The following TMEM45A variants were observed in gnomAD, a reference collection of about 807,000 sequenced individuals.
TMEM45A encodes transmembrane protein 45A, also known as DNA polymerase-transactivated protein 4.
Under a neutral mutation model 32.0 loss-of-function variants are expected in TMEM45A, and 25 were observed. That is an observed-to-expected ratio of 0.78 (90% CI 0.57 to 1.09). The LOEUF is 1.09. Ranked by LOEUF, TMEM45A falls within the 50% of genes least tolerant of loss-of-function variation. The pLI, the probability that TMEM45A is intolerant of heterozygous loss-of-function variation, is 0.00. For synonymous variants in TMEM45A, 122 were observed against 114.8 expected, an observed-to-expected ratio of 1.06 and a Z score of -0.40; for missense variants, 302 against 325.0, an observed-to-expected ratio of 0.93 and a Z score of 0.54.
chr3:100,507,523 A>G (rs1559634311), intron 1 of TMEM45A, among the ~76,000 whole-genome samples: 1 of 152,172 alleles, frequency 6.6e-6, no homozygotes, highest in Non-Finnish European at 1.5e-5. Flanking sequence ...GATCTTTTAA[A>G]GGAGGGGGTC....
intron 4 of TMEM45A, among the ~76,000 whole-genome samples, chr3:100,560,261 C>CTCTCTCT (rs774897689): frequency 7.0e-6 from 1 of 143,630 alleles, no homozygotes; most frequent in African/African-American, 2.6e-5. Context: ...CTCTCTCTCT[C>CTCTCTCT]TTTTTTTTTT....
At chr3:100,510,467 G>GTA in intron 1 of TMEM45A, among the ~76,000 whole-genome samples, 1 of 152,300 alleles carries the variant, frequency 6.6e-6, no homozygotes, top group Non-Finnish European at 1.5e-5. Context: ...AAACCCATCT[G>GTA]TACATCACCA....
At chr3:100,518,366 C>T (rs1056346488) in intron 1 of TMEM45A, among the ~76,000 whole-genome samples, 1 of 152,152 alleles carries the variant, frequency 6.6e-6, no homozygotes, top group African/African-American at 2.4e-5. Flanking sequence ...TGTTTAATCT[C>T]CTTTAACAGA....
chr3:100,554,474 C>T (rs912515139), intron 1 of TMEM45A, among the ~76,000 whole-genome samples: 18 of 152,148 alleles, frequency 1.2e-4, no homozygotes, highest in African/African-American at 4.3e-4. Flanking sequence ...GTTGTGTAGA[C>T]TGCTAACTGA....
intron 1 of TMEM45A, among the ~76,000 whole-genome samples, chr3:100,535,443 C>T (rs1329483903): frequency 2.0e-5 from 3 of 152,134 alleles, no homozygotes; most frequent in Non-Finnish European, 4.4e-5. Context: ...GGCTTTTCCC[C>T]TCCACTCCAG....
chr3:100,551,263 T>C (rs934489963), intron 1 of TMEM45A, among the ~76,000 whole-genome samples: 2 of 152,134 alleles, frequency 1.3e-5, no homozygotes, highest in African/African-American at 2.4e-5. Context: ...TCCGCCTGTG[T>C]TGGCCTCCCA....
chr3:100,504,853 A>G (rs1018529804), intron 1 of TMEM45A, among the ~76,000 whole-genome samples: 8 of 152,238 alleles, frequency 5.3e-5, no homozygotes, highest in African/African-American at 1.7e-4. Context: ...CAAGTCTCAG[A>G]AAAGATTTGT....
At chr3:100,527,858 G>A (rs560383541) in intron 1 of TMEM45A, among the ~76,000 whole-genome samples, 1 of 152,286 alleles carries the variant, frequency 6.6e-6, no homozygotes, top group East Asian at 1.9e-4. Flanking sequence ...TTCAAATAGA[G>A]ATTTGAAAAT....
chr3:100,502,855 A>G (rs569561629), intron 1 of TMEM45A, among the ~76,000 whole-genome samples: 1 of 152,358 alleles, frequency 6.6e-6, no homozygotes, highest in African/African-American at 2.4e-5. Flanking sequence ...TCACAGCAAA[A>G]TCATGCCATG....
intron 1 of TMEM45A, among the ~76,000 whole-genome samples, chr3:100,541,524 C>CTTTT (rs61341173): frequency 9.0e-5 from 10 of 111,266 alleles, no homozygotes; most frequent in South Asian, 2.9e-4. Context: ...CTTTTCTTTC[C>CTTTT]TTTTTTTTTT....
intron 5 of TMEM45A, 46 bp from the exon 6 acceptor site, chr3:100,576,879 C>G: frequency 6.9e-7 from 1 of 1,447,308 alleles, no homozygotes; most frequent in Non-Finnish European, 9.7e-7. Flanking sequence ...CTCTGGGTTT[C>G]TATTTTAAAA....
At chr3:100,536,476 A>G (rs1220195152) in intron 1 of TMEM45A, among the ~76,000 whole-genome samples, 1 of 152,224 alleles carries the variant, frequency 6.6e-6, no homozygotes, top group Non-Finnish European at 1.5e-5. Flanking sequence ...GACCTTGTCT[A>G]TGTCCTGTCC....
intron 1 of TMEM45A, among the ~76,000 whole-genome samples, chr3:100,507,637 G>T (rs899034653): frequency 1.3e-5 from 2 of 152,118 alleles, no homozygotes; most frequent in Non-Finnish European, 2.9e-5. Flanking sequence ...AACTAGAGTT[G>T]GGATGCAGGG....
intron 1 of TMEM45A, among the ~76,000 whole-genome samples, chr3:100,530,384 A>G (rs1393798162): frequency 6.6e-6 from 1 of 152,164 alleles, no homozygotes; most frequent in African/African-American, 2.4e-5. Context: ...CATCCTAGAG[A>G]AGACCTCAGT....
intron 4 of TMEM45A, among the ~76,000 whole-genome samples, chr3:100,567,541 A>AAAAAAAAAAAAAAT (rs1706468936): frequency 6.7e-6 from 1 of 150,056 alleles, no homozygotes; most frequent in Non-Finnish European, 1.5e-5. Context: ...AAAAAAAAAA[A>AAAAAAAAAAAAAAT]GAACATTGGA....
chr3:100,511,582 C>T (rs1304837134), intron 1 of TMEM45A, among the ~76,000 whole-genome samples: 1 of 151,358 alleles, frequency 6.6e-6, no homozygotes, highest in East Asian at 1.9e-4. Context: ...GCAAAATAAC[C>T]AGCTAACATC....
At chr3:100,576,517 G>A (rs1706689688) in intron 5 of TMEM45A, among the ~76,000 whole-genome samples, 1 of 152,042 alleles carries the variant, frequency 6.6e-6, no homozygotes, top group Non-Finnish European at 1.5e-5. Flanking sequence ...CTACTCAGGA[G>A]GCTGAGGCAG....
intron 1 of TMEM45A, among the ~76,000 whole-genome samples, chr3:100,501,323 G>A (rs1708005052): frequency 6.6e-6 from 1 of 152,158 alleles, no homozygotes; most frequent in South Asian, 2.1e-4. Context: ...CCTGCCCCTG[G>A]AGATTCTAAT....
intron 1 of TMEM45A, among the ~76,000 whole-genome samples, chr3:100,512,652 C>CA (rs1217249656): frequency 6.4e-4 from 95 of 149,558 alleles, no homozygotes; most frequent in African/African-American, 2.0e-3. Flanking sequence ...AATAGAGACA[C>CA]AAAAAACCCT....
Sources: allele counts gnomAD v4.1 joint callset (sites outside exome capture counted in the v4.1 genomes callset), GRCh38; gene constraint gnomAD v4.1.1; transcripts MANE v1.5; gene names NCBI Gene and HGNC (gene_info 2026-07-23, HGNC 2026-07-21).